The following ANO10 variants were observed in gnomAD, a reference collection of about 807,000 sequenced individuals.
ANO10 encodes the protein anoctamin-10.
ANO10 carries 77 observed loss-of-function variants against 74.7 expected under a neutral mutation model. That is an observed-to-expected ratio of 1.03 (90% CI 0.86 to 1.25). The LOEUF (loss-of-function observed/expected upper bound fraction) is 1.25. ANO10 is among the 50% of genes most tolerant of loss of function. The pLI, the probability that ANO10 is intolerant of heterozygous loss-of-function variation, is 0.00. For missense variants in ANO10, 721 were observed against 778.1 expected (o/e 0.93, Z 0.87); for synonymous variants, 279 against 284.9 (o/e 0.98, Z 0.21).
At chr3:43,513,692 A>G (rs2077598339) in intron 11 of ANO10, among the ~76,000 whole-genome samples, 1 of 152,070 alleles carries the variant, frequency 6.6e-6, no homozygotes, top group African/African-American at 2.4e-5. Flanking sequence ...TTGTATTTTT[A>G]GCAGAGACAG....
chr3:43,488,515 G>C (rs2076589330), intron 11 of ANO10, among the ~76,000 whole-genome samples: 1 of 152,142 alleles, frequency 6.6e-6, no homozygotes, highest in South Asian at 2.1e-4. Context: ...CGAAGGACAT[G>C]AACAGATACT....
chr3:43,531,493 G>C (rs1178406180), intron 11 of ANO10, among the ~76,000 whole-genome samples: 1 of 152,132 alleles, frequency 6.6e-6, no homozygotes, highest in African/African-American at 2.4e-5. Context: ...GAAATGAAAA[G>C]CTACTATGCT....
rs1449624859 is a variant in ANO10, at chr3:43,577,253, G to A, written c.601C>T (p.Arg201Cys). ...ALKYQPIDSI[R>C]GYFGETIALY... is the part of the protein sequence containing the mutation. Reference sequence around the variant, plus strand: ...GCAATTGTTTCCCCAAAGTAGCCACGAATACTGTCTATAGTGGAAACAAAG... The same window carrying A: ...GCAATTGTTTCCCCAAAGTAGCCACAAATACTGTCTATAGTGGAAACAAAG... Residue 201 changes from arginine (R) to cysteine (C), a missense_variant, in exon 6 of 13, where the codon CGT becomes TGT. Transcript: ENST00000292246. 3.1e-6 allele frequency: 5 copies of A among 1,613,664 alleles called. No individual in the cohort carries two copies. The highest frequency in any genetic ancestry group is 1.7e-5 in the Admixed American group (1 of 59,996).
At chr3:43,586,701 A>G (rs753916779) in intron 4 of ANO10, among the ~76,000 whole-genome samples, 2 of 152,108 alleles carry the variant, frequency 1.3e-5, no homozygotes, top group Non-Finnish European at 2.9e-5. Context: ...GCAACAAAAA[A>G]CCATGAAATT....
chr3:43,514,140 T>C (rs1448384692), intron 11 of ANO10, among the ~76,000 whole-genome samples: 3 of 151,826 alleles, frequency 2.0e-5, no homozygotes, highest in African/African-American at 7.2e-5. Context: ...ACTTTAATCA[T>C]ATCAATAATC....
rs569932759 is a variant in ANO10, at chr3:43,372,444, C to T, written c.1915-5470G>A. 1.7e-3 allele frequency among the ~76,000 whole-genome samples: 261 copies of T among 152,314 alleles called. 1 individual carries two copies. Among genetic ancestry groups the T allele is most frequent in the African/African-American group, 5.9e-3 (247 of 41,578 alleles). On this transcript the variant is annotated intron_variant, in intron 12 of 12. Transcript: ENST00000292246. ...CCCTACCATGCTGGGGACTACAGTT[C>T]ACCCCTTCTTGTCTCTCATCCTTGT...
chr3:43,686,765 T>G (rs1575593654), intron 1 of ANO10, among the ~76,000 whole-genome samples: 1 of 152,018 alleles, frequency 6.6e-6, no homozygotes, highest in Admixed American at 6.6e-5. Flanking sequence ...TATCAGAGAG[T>G]GTGGGTCTAG....
chr3:43,607,973 GAAAACACGT>G, intron 1 of ANO10, among the ~76,000 whole-genome samples: 1 of 152,074 alleles, frequency 6.6e-6, no homozygotes, highest in Non-Finnish European at 1.5e-5. Context: ...AAAAAATGAA[GAAAACACGT>G]AAAAAGAGTA....
intron 11 of ANO10, among the ~76,000 whole-genome samples, chr3:43,525,168 T>A (rs570796581): frequency 5.9e-5 from 9 of 152,170 alleles, no homozygotes; most frequent in Non-Finnish European, 1.3e-4. Flanking sequence ...ATGTGGCCTG[T>A]GCAGCCAGGT....
intron 4 of ANO10, among the ~76,000 whole-genome samples, chr3:43,583,603 C>T (rs981632809): frequency 2.6e-5 from 4 of 152,220 alleles, no homozygotes; most frequent in African/African-American, 9.6e-5. Flanking sequence ...AAATCCCTCT[C>T]ATAACGCCTT....
chr3:43,644,445 G>A (rs2083706153), intron 1 of ANO10, among the ~76,000 whole-genome samples: 1 of 152,208 alleles, frequency 6.6e-6, no homozygotes, highest in African/African-American at 2.4e-5. Context: ...CTGCCATAGA[G>A]TAGAACTGCT....
chr3:43,648,365 A>T (rs2083748446), intron 1 of ANO10, among the ~76,000 whole-genome samples: 1 of 152,178 alleles, frequency 6.6e-6, no homozygotes, highest in Admixed American at 6.5e-5. Flanking sequence ...GCCAAGAAAG[A>T]GTTCAGGGCG....
Position 43,432,661 on chromosome 3 carries a change from T to C in ANO10, c.1864A>G (p.Met622Val), listed in dbSNP as rs141806947. The C allele has an allele frequency of 2.5e-4, 400 of 1,614,000 alleles. No individual in the cohort carries two copies. The highest frequency in any genetic ancestry group is 3.0e-4 in the Non-Finnish European group (351 of 1,179,922). ...AIPDKPRHIQ[M>V]KLARLEFESL... ...TCAAATTCCAGTCTGGCTAGTTTCA[T>C]CTGGATATGCCGTGGCTTATCAGGT... The change falls in exon 12 of 13, where the codon ATG (methionine) becomes GTG (valine). Residue 622 changes from methionine to valine, a missense_variant. Met to Val is a conservative substitution (Grantham distance 21). Coordinates refer to ENST00000292246, the MANE Select transcript of ANO10 (RefSeq NM_018075.5).
chr3:43,611,354 T>TC (rs1395013861), intron 1 of ANO10, among the ~76,000 whole-genome samples: 1 of 152,192 alleles, frequency 6.6e-6, no homozygotes, highest in Non-Finnish European at 1.5e-5. Context: ...GAGAAATCTA[T>TC]TATGTTTGAG....
At position 43,376,717 on chromosome 3, in the gene ANO10, C is replaced by T. The variant is rs1177797070; in HGVS notation, c.1915-9743G>A. ...TAATAATGTAAAAATAACATGTAAT[C>T]AGTTTGCCTCCAAATCACAGGGCAA... On this transcript the variant is annotated intron_variant, in intron 12 of 12. Coordinates refer to ENST00000292246, the MANE Select transcript of ANO10 (RefSeq NM_018075.5). Among the ~76,000 whole-genome samples the T allele has an allele frequency of 2.6e-5, 4 of 152,196 alleles. No individual in the cohort carries two copies. The East Asian group carries it at 7.7e-4, about 29-fold the overall frequency.
At chr3:43,447,645 T>A (rs1276681800) in intron 11 of ANO10, among the ~76,000 whole-genome samples, 1 of 152,188 alleles carries the variant, frequency 6.6e-6, no homozygotes, top group Non-Finnish European at 1.5e-5. Context: ...TTAAATTGGA[T>A]CTATATATTA....
intron 2 of ANO10, 112 bp from the exon 3 acceptor site, chr3:43,600,693 T>C: frequency 1.1e-6 from 1 of 908,032 alleles, no homozygotes; most frequent in Non-Finnish European, 1.7e-6. Context: ...AGAAATTATA[T>C]TAGCAATTTA....
At chr3:43,634,078 G>A (rs2083580017) in intron 1 of ANO10, among the ~76,000 whole-genome samples, 1 of 148,406 alleles carries the variant, frequency 6.7e-6, no homozygotes, top group African/African-American at 2.5e-5. Flanking sequence ...TTAATAATTT[G>A]AAACAAAGGA....
chr3:43,404,025 ATGT>A (rs1384125635), intron 12 of ANO10, among the ~76,000 whole-genome samples: 1 of 152,192 alleles, frequency 6.6e-6, no homozygotes, highest in Non-Finnish European at 1.5e-5. Flanking sequence ...ACAGTAGGTT[ATGT>A]TATATGACAA....
Sources: gnomAD v4.1 joint callset for allele counts (sites outside exome capture counted in the v4.1 genomes callset) on GRCh38, gnomAD v4.1.1 for gene constraint, MANE v1.5 for transcripts, NCBI Gene and HGNC (gene_info 2026-07-23, HGNC 2026-07-21) for gene names.